Variants in IRS1 observed in about 807,000 individuals in gnomAD.
IRS1 encodes insulin receptor substrate 1.
In IRS1, 34 loss-of-function variants were observed where a neutral mutation model predicts 65.6. That is an observed-to-expected ratio of 0.52 (90% CI 0.39 to 0.69). The LOEUF (loss-of-function observed/expected upper bound fraction) is 0.69. Ranked by LOEUF, IRS1 falls within the 30% of genes least tolerant of loss-of-function variation. The pLI, the probability that IRS1 is intolerant of heterozygous loss-of-function variation, is 0.00. For synonymous variants in IRS1, 699 were observed against 683.5 expected, an observed-to-expected ratio of 1.02 and a Z score of -0.35; for missense variants, 1,641 against 1,720.2, an observed-to-expected ratio of 0.95 and a Z score of 0.81.
At position 226,799,768 on chromosome 2, in the gene IRS1, G is replaced by T; in HGVS notation, c.-1030C>A. 1.0e-6 allele frequency: 1 copy of T among 997,324 alleles called. No individual in the cohort carries two copies. Among genetic ancestry groups the T allele is most frequent in the African/African-American group, 1.7e-5 (1 of 57,338 alleles). 61.8% of individuals were successfully genotyped at this position (997,324 alleles called of 1,614,324 possible). On this transcript the variant is annotated 5_prime_UTR_variant, in exon 1 of 2. Transcript: ENST00000305123. This position sits in a 1 kb window ranked among gnomAD's most constrained non-coding sequence, Gnocchi z 6.1. ...CTCCGACCGCGCCGCCGTCTCACTCGGAGGAGAAAAACACGTGACGGAGCC... is the reference window on the plus strand; with the variant it reads ...CTCCGACCGCGCCGCCGTCTCACTCTGAGGAGAAAAACACGTGACGGAGCC...
At chr2:226,758,681 C>T (rs1244623245) in intron 1 of IRS1, among the ~76,000 whole-genome samples, 1 of 151,918 alleles carries the variant, frequency 6.6e-6, no homozygotes, top group African/African-American at 2.4e-5. Context: ...TCTCTATGTG[C>T]CTCAAGTATC....
intron 1 of IRS1, among the ~76,000 whole-genome samples, chr2:226,785,575 C>G (rs1939469556): frequency 6.6e-6 from 1 of 152,174 alleles, no homozygotes; most frequent in South Asian, 2.1e-4. Flanking sequence ...TGCACTCCAG[C>G]CTGGGTGACA....
intron 1 of IRS1, among the ~76,000 whole-genome samples, chr2:226,738,255 T>A (rs1938368624): frequency 6.6e-6 from 1 of 151,850 alleles, no homozygotes; most frequent in Non-Finnish European, 1.5e-5. Context: ...CAATTGCGGT[T>A]TTTGCCATAA....
chr2:226,733,536 A>T lies in IRS1; in HGVS notation c.*2736T>A, dbSNP rs1393271675. On this transcript the variant is annotated 3_prime_UTR_variant, in exon 2 of 2. Transcript: ENST00000305123. ...TCTTTTCGCAAAAGAGGATTTTAAA[A>T]CTCTGCTTAAGTCTCTAAGGAAAAA... 1 of 152,138 alleles carries T rather than the reference A, an allele frequency of 6.6e-6. No homozygotes were observed. The highest frequency in any genetic ancestry group is 2.4e-5 in the African/African-American group (1 of 41,410). The allele number at this position is 152,138 out of a possible 1,614,324, so 9.4% of individuals were successfully genotyped here.
rs1939848608 is a variant in IRS1 at position 226,799,580 on chromosome 2, G to A, written c.-842C>T. On this transcript the variant is annotated 5_prime_UTR_variant, in exon 1 of 2. Coordinates refer to ENST00000305123, the MANE Select transcript of IRS1 (RefSeq NM_005544.3). The surrounding 1 kb of genome is among the most constrained non-coding windows in gnomAD (Gnocchi z 6.1). ...AGGGGAGGGGACAAGGGCGAGAGGG[G>A]ATGGGGGAGGTTTGGGAAGGGTTCG... The A allele has an allele frequency of 8.7e-6, 9 of 1,030,224 alleles. No homozygotes were observed. Among genetic ancestry groups the A allele is most frequent in the Non-Finnish European group, 1.1e-5 (9 of 847,838 alleles). The allele number at this position is 1,030,224 out of a possible 1,614,324, so 63.8% of individuals were successfully genotyped here.
At chr2:226,766,354 G>A (rs1939048829) in intron 1 of IRS1, among the ~76,000 whole-genome samples, 1 of 149,794 alleles carries the variant, frequency 6.7e-6, no homozygotes, top group Admixed American at 6.7e-5. Context: ...AGTAGAGACG[G>A]GGTTTTGCCA....
chr2:226,797,815 G>T lies in IRS1; in HGVS notation c.924C>A (p.Ile308=), dbSNP rs1397765372. 3.1e-6 allele frequency: 5 copies of T among 1,604,114 alleles called. No individual in the cohort carries two copies. Among genetic ancestry groups the T allele is most frequent in the Non-Finnish European group, 8.5e-7 (1 of 1,176,496 alleles). The stretch of plus-strand genomic sequence containing the variant: ...CCATGCTGGCCGGGGAGGTGGCGGT[G>T]ATGCTCTCAGTGCGTGATCGGCGGG... The part of the protein sequence containing the change: ...GLTRRSRTES[I]TATSPASMVG... The change falls in exon 1 of 2, where the codon ATC becomes ATA. Residue 308 remains isoleucine (I), a synonymous_variant. Transcript: ENST00000305123. This position sits in a 1 kb window ranked among gnomAD's most constrained non-coding sequence, Gnocchi z 8.1.
chr2:226,751,348 A>G (rs1938676996), intron 1 of IRS1, among the ~76,000 whole-genome samples: 1 of 144,052 alleles, frequency 6.9e-6, no homozygotes, highest in Admixed American at 7.3e-5. Context: ...CAGTGGCGCA[A>G]TCTCGGCTCA....
In IRS1 at chr2:226,796,389, C is replaced by G. The variant is rs771593061; in HGVS notation, c.2350G>C (p.Ala784Pro). The G allele has an allele frequency of 6.2e-7, 1 of 1,613,190 alleles. No individual in the cohort carries two copies. The highest frequency in any genetic ancestry group is 2.2e-5 in the East Asian group (1 of 44,900). ...TQRPGEPEEGARHQHLRLSTS... is the reference protein window; with the variant it reads ...TQRPGEPEEGPRHQHLRLSTS... ...GAAAGGCGGAGGTGCTGATGCCGGG[C>G]ACCCTCCTCCGGCTCCCCGGGGCGC... Residue 784 changes from alanine to proline, a missense_variant, in exon 1 of 2, where the codon GCC becomes CCC. Physicochemically the swap from Ala to Pro is conservative, Grantham distance 27. Transcript: ENST00000305123.
In IRS1 at chr2:226,796,517, G is replaced by T. The variant is rs1277513587; in HGVS notation, c.2222C>A (p.Ser741Tyr). 6.2e-7 allele frequency: 1 copy of T among 1,613,902 alleles called. No individual in the cohort carries two copies. Among genetic ancestry groups the T allele is most frequent in the Non-Finnish European group, 8.5e-7 (1 of 1,180,030 alleles). Residue 741 changes from serine to tyrosine, a missense_variant, in exon 1 of 2, where the codon TCC (serine) becomes TAC (tyrosine). Transcript: ENST00000305123. The stretch of plus-strand genomic sequence containing the variant: ...GCAGTCGGAGGGGCTGCTGGTGTTG[G>T]AGTCCCCCACTGGTGACATGTTCAT... ...DYMNMSPVGD[S>Y]NTSSPSDCYY...
intron 1 of IRS1, among the ~76,000 whole-genome samples, chr2:226,770,831 A>G (rs921511463): frequency 6.6e-6 from 1 of 152,152 alleles, no homozygotes. Flanking sequence ...TCCTGAGTCT[A>G]TTTGTCTGTA....
In IRS1 at chr2:226,764,761, T is replaced by C. The variant is rs1411655059; in HGVS notation, c.*22-28511A>G. ...TGTGAATCCTCGCGCAATTCACCTC[T>C]TGGGTTGCCGTCGTCAAGGTTTGAT... On this transcript the variant is annotated intron_variant, in intron 1 of 1. Transcript: ENST00000305123. Among the ~76,000 whole-genome samples, 9 of 152,304 alleles carry C rather than the reference T, an allele frequency of 5.9e-5. No individual in the cohort carries two copies. In the East Asian group the frequency reaches 1.7e-3, roughly 29 times the overall value.
intron 1 of IRS1, among the ~76,000 whole-genome samples, chr2:226,755,065 T>C (rs1005438783): frequency 2.0e-5 from 3 of 152,284 alleles, no homozygotes; most frequent in South Asian, 4.1e-4. Flanking sequence ...CCCTTTTAGC[T>C]CTCCTGCCAC....
At chr2:226,736,602 T>C (rs1003761219) in intron 1 of IRS1, among the ~76,000 whole-genome samples, 3 of 152,042 alleles carry the variant, frequency 2.0e-5, no homozygotes, top group Non-Finnish European at 2.9e-5. Context: ...CCATCCGACA[T>C]GAGCGGGTTG....
intron 1 of IRS1, among the ~76,000 whole-genome samples, chr2:226,785,751 T>TTA (rs1939474238): frequency 6.6e-6 from 1 of 150,636 alleles, no homozygotes; most frequent in Non-Finnish European, 1.5e-5. Context: ...TTTCTTTTTT[T>TTA]TATATATATA....
intron 1 of IRS1, chr2:226,792,214 A>T (rs1939626651): frequency 6.6e-6 from 1 of 152,166 alleles, no homozygotes; most frequent in Admixed American, 6.5e-5. Context: ...CCCAAAAGGC[A>T]TGGCTGGGGT....
chr2:226,745,723 T>C (rs967306534), intron 1 of IRS1, among the ~76,000 whole-genome samples: 3 of 152,214 alleles, frequency 2.0e-5, no homozygotes, highest in Non-Finnish European at 4.4e-5. Flanking sequence ...ACTACTGTTA[T>C]GAAGAACTAG....
At chr2:226,739,740 C>G (rs1186006156) in intron 1 of IRS1, among the ~76,000 whole-genome samples, 1 of 152,164 alleles carries the variant, frequency 6.6e-6, no homozygotes, top group Non-Finnish European at 1.5e-5. Context: ...GTCTGTATCT[C>G]CCTAGCTCCA....
chr2:226,799,353 C>A lies in IRS1; in HGVS notation c.-615G>T. Reference sequence around the variant, plus strand: ...CTCAGTCGCAGAGACCGCGGCGCTGCGGCTGTTGCTGTTGCTGCTGCTGCT... The same window carrying A: ...CTCAGTCGCAGAGACCGCGGCGCTGAGGCTGTTGCTGTTGCTGCTGCTGCT... On this transcript the variant is annotated 5_prime_UTR_variant, in exon 1 of 2. Transcript: ENST00000305123. The surrounding 1 kb of genome is among the most constrained non-coding windows in gnomAD (Gnocchi z 6.1). 1 of 1,257,368 alleles carries A rather than the reference C, an allele frequency of 8.0e-7. No homozygotes were observed. The highest frequency in any genetic ancestry group is 1.3e-5 in the South Asian group (1 of 75,538). The allele number at this position is 1,257,368 out of a possible 1,614,324, so 77.9% of individuals were successfully genotyped here.
Sources: gnomAD v4.1 joint callset for allele counts (sites outside exome capture counted in the v4.1 genomes callset) on GRCh38, gnomAD v4.1.1 for gene constraint, Gnocchi (gnomAD v3.1) non-coding constraint, MANE v1.5 for transcripts, NCBI Gene and HGNC (gene_info 2026-07-23, HGNC 2026-07-21) for gene names.